Variants in ADAMTS2 observed in about 807,000 individuals in gnomAD.
The protein encoded by ADAMTS2 is ADAM metallopeptidase with thrombospondin type 1 motif 2, also known as A disintegrin and metalloproteinase with thrombospondin motifs 2.
Under a neutral mutation model 123.0 loss-of-function variants are expected in ADAMTS2, and 50 were observed. That is an observed-to-expected ratio of 0.41 (90% CI 0.32 to 0.51). The LOEUF is 0.51. Among genes scored for constraint, ADAMTS2 ranks in the 20% least tolerant of loss-of-function variants. ADAMTS2 has a pLI of 0.35. For missense variants in ADAMTS2, 1,494 were observed against 1,705.2 expected, an observed-to-expected ratio of 0.88 and a Z score of 2.18; for synonymous variants, 678 against 695.4, an observed-to-expected ratio of 0.98 and a Z score of 0.39.
chr5:179,200,056 G>C (rs370927541), intron 4 of ADAMTS2, among the ~76,000 whole-genome samples: 1 of 152,070 alleles, frequency 6.6e-6, no homozygotes, highest in Non-Finnish European at 1.5e-5. Context: ...TTGAACAAGC[G>C]ATCCCACATT....
intron 3 of ADAMTS2, among the ~76,000 whole-genome samples, chr5:179,218,840 G>A (rs891234589): frequency 6.6e-6 from 1 of 152,166 alleles, no homozygotes. Flanking sequence ...AGGAGAGAAG[G>A]CCTCTCCGGG....
chr5:179,330,689 T>C (rs1427966026), intron 2 of ADAMTS2, among the ~76,000 whole-genome samples: 1 of 152,224 alleles, frequency 6.6e-6, no homozygotes. Context: ...ATTGGCCACC[T>C]TGCCCAGCAC....
At chr5:179,277,465 C>G (rs1347109631) in intron 2 of ADAMTS2, among the ~76,000 whole-genome samples, 1 of 48,816 alleles carries the variant, frequency 2.0e-5, no homozygotes, top group African/African-American at 6.7e-5. Context: ...GACCCCCCCC[C>G]CCGAGACCAA....
rs986481481 is a variant in ADAMTS2 at position 179,314,389 on chromosome 5, G to A, written c.534+29378C>T. ...CTAAGTGAGCGCAGAGGAGAGTGCAGGGAGCGGCAAGGCCAGGCTCCTCCC... is the reference window on the plus strand; with the variant it reads ...CTAAGTGAGCGCAGAGGAGAGTGCAAGGAGCGGCAAGGCCAGGCTCCTCCC... On this transcript the variant is annotated intron_variant, in intron 2 of 21. Transcript: ENST00000251582. The surrounding 1 kb of genome is among the most constrained non-coding windows in gnomAD (Gnocchi z 4.5). 3.9e-5 allele frequency among the ~76,000 whole-genome samples: 6 copies of A among 152,214 alleles called. No homozygotes were observed. Among genetic ancestry groups the A allele is most frequent in the African/African-American group, 1.2e-4 (5 of 41,450 alleles).
intron 4 of ADAMTS2, among the ~76,000 whole-genome samples, chr5:179,196,867 A>C (rs1475674724): frequency 6.6e-6 from 1 of 152,228 alleles, no homozygotes; most frequent in Non-Finnish European, 1.5e-5. Flanking sequence ...GGCAATTCAT[A>C]AATCAATAGG....
chr5:179,337,886 T>A (rs1013438011), intron 2 of ADAMTS2, among the ~76,000 whole-genome samples: 40 of 141,676 alleles, frequency 2.8e-4, no homozygotes, highest in African/African-American at 4.5e-4. Flanking sequence ...ATTCACTCAC[T>A]CACCCAGGTG....
chr5:179,297,017 T>C (rs939933963), intron 2 of ADAMTS2, among the ~76,000 whole-genome samples: 1 of 152,090 alleles, frequency 6.6e-6, no homozygotes, highest in African/African-American at 2.4e-5. Context: ...GAGCAAGTAC[T>C]AAATGACTGG....
intron 3 of ADAMTS2, among the ~76,000 whole-genome samples, chr5:179,265,456 C>T (rs796179082): frequency 5.9e-5 from 9 of 152,296 alleles, no homozygotes; most frequent in African/African-American, 1.9e-4. Context: ...AGGGGGAGCA[C>T]ACCCTGGCAC....
intron 2 of ADAMTS2, among the ~76,000 whole-genome samples, chr5:179,336,353 C>T (rs1757611949): frequency 6.6e-6 from 1 of 152,350 alleles, no homozygotes; most frequent in Middle Eastern, 3.4e-3. Flanking sequence ...GAGGAAGGAC[C>T]GCTACTTCGT....
chr5:179,321,557 C>T (rs1169869428), intron 2 of ADAMTS2, among the ~76,000 whole-genome samples: 1 of 152,210 alleles, frequency 6.6e-6, no homozygotes, highest in African/African-American at 2.4e-5. Flanking sequence ...CCACTGCCTC[C>T]TCCACTTGTC....
At position 179,129,798 on chromosome 5, in the gene ADAMTS2, G is replaced by A. The variant is rs1762927255; in HGVS notation, c.2457+134C>T. ...GCTCTGACCAAGTCGGAGCCCCTTG[G>A]TGCCAAAGGCAGGCCAAAGGGGCCA... On this transcript the variant is annotated intron_variant, in intron 16 of 21. Coordinates refer to ENST00000251582, the MANE Select transcript of ADAMTS2 (RefSeq NM_014244.5). The surrounding 1 kb of genome is among the most constrained non-coding windows in gnomAD (Gnocchi z 4.1). 7 of 1,229,764 alleles carry A rather than the reference G, an allele frequency of 5.7e-6. No homozygotes were observed. Among genetic ancestry groups the A allele is most frequent in the African/African-American group, 1.5e-5 (1 of 67,240 alleles). The allele number at this position is 1,229,764 out of a possible 1,614,324, so 76.2% of individuals were successfully genotyped here.
At chr5:179,223,266 T>G (rs564790795) in intron 3 of ADAMTS2, among the ~76,000 whole-genome samples, 1 of 145,832 alleles carries the variant, frequency 6.9e-6, no homozygotes, top group East Asian at 2.1e-4. Context: ...ACATGCACAC[T>G]CACACGAATG....
intron 10 of ADAMTS2, among the ~76,000 whole-genome samples, chr5:179,144,426 T>A (rs1195258320): frequency 6.6e-6 from 1 of 152,140 alleles, no homozygotes; most frequent in Non-Finnish European, 1.5e-5. Flanking sequence ...GCTCCTAAAA[T>A]TCATATGGAA....
intron 6 of ADAMTS2, among the ~76,000 whole-genome samples, chr5:179,156,681 C>T (rs1196778929): frequency 2.0e-5 from 3 of 152,024 alleles, no homozygotes; most frequent in Non-Finnish European, 2.9e-5. Flanking sequence ...TTTTACTTCC[C>T]CCATCCTATC....
At chr5:179,166,987 G>A (rs1763713353) in intron 5 of ADAMTS2, among the ~76,000 whole-genome samples, 2 of 152,220 alleles carry the variant, frequency 1.3e-5, no homozygotes, top group South Asian at 4.1e-4. Flanking sequence ...GGCTGGGCAG[G>A]GAGGGAGGCG....
intron 5 of ADAMTS2, among the ~76,000 whole-genome samples, chr5:179,173,764 C>T (rs1210705768): frequency 1.3e-5 from 2 of 152,034 alleles, no homozygotes; most frequent in Admixed American, 6.6e-5. Context: ...CCCCATAACC[C>T]CAGCACTTTG....
At chr5:179,275,197 C>T (rs1050572576) in intron 2 of ADAMTS2, among the ~76,000 whole-genome samples, 2 of 151,880 alleles carry the variant, frequency 1.3e-5, no homozygotes, top group Non-Finnish European at 2.9e-5. Context: ...GAATGGGCTG[C>T]GGAACAAAAA....
At chr5:179,320,017 A>C (rs1757115692) in intron 2 of ADAMTS2, among the ~76,000 whole-genome samples, 1 of 152,128 alleles carries the variant, frequency 6.6e-6, no homozygotes, top group African/African-American at 2.4e-5. Context: ...CGGCTCCTGG[A>C]GCAGCCGGTG....
intron 5 of ADAMTS2, among the ~76,000 whole-genome samples, chr5:179,173,966 T>C (rs1422938774): frequency 6.9e-6 from 1 of 143,898 alleles, no homozygotes; most frequent in Admixed American, 7.3e-5. Flanking sequence ...TGAGCTGAGG[T>C]CGCGCCACTG....
Sources: gnomAD v4.1 joint callset for allele counts (sites outside exome capture counted in the v4.1 genomes callset) on GRCh38, gnomAD v4.1.1 for gene constraint, Gnocchi (gnomAD v3.1) non-coding constraint, MANE v1.5 for transcripts, NCBI Gene and HGNC (gene_info 2026-07-23, HGNC 2026-07-21) for gene names.